The following PHACTR2 variants were observed in gnomAD, a reference collection of about 807,000 sequenced individuals.
PHACTR2 encodes phosphatase and actin regulator 2, also known as chromosome 6 open reading frame 56.
In PHACTR2, 30 loss-of-function variants were observed where a neutral mutation model predicts 76.0. The observed-to-expected ratio is 0.39, with a 90% CI of 0.30 to 0.54. The LOEUF (loss-of-function observed/expected upper bound fraction) is 0.54. PHACTR2 is among the 20% of genes least tolerant of loss of function. The pLI, the probability that PHACTR2 is intolerant of heterozygous loss-of-function variation, is 0.61. For synonymous variants in PHACTR2, 292 were observed against 292.5 expected, an observed-to-expected ratio of 1.00 and a Z score of 0.02; for missense variants, 696 against 781.1, an observed-to-expected ratio of 0.89 and a Z score of 1.30.
chr6:143,613,775 T>C (rs1277004563), intron 1 of PHACTR2, among the ~76,000 whole-genome samples: 1 of 152,126 alleles, frequency 6.6e-6, no homozygotes, highest in African/African-American at 2.4e-5. Context: ...GAATCAGTAA[T>C]CAACATTTTC....
chr6:143,652,750 C>T lies in PHACTR2; in HGVS notation c.13+44428C>T, dbSNP rs775502925. ...TTCACACCCAGGGGCTGAAATAAGG[C>T]GGAATGCCCACCTGGAGATAAGTCT... On this transcript the variant is annotated intron_variant, in intron 1 of 11. Transcript: ENST00000305766. This position sits in a 1 kb window ranked among gnomAD's most constrained non-coding sequence, Gnocchi z 4.5. 6.6e-5 allele frequency among the ~76,000 whole-genome samples: 10 copies of T among 152,314 alleles called. No individual in the cohort carries two copies. The highest frequency in any genetic ancestry group is 2.2e-4 in the African/African-American group (9 of 41,562).
Position 143,830,214 on chromosome 6 carries a change from A to G in PHACTR2, c.*6525A>G, listed in dbSNP as rs1311897688. 6.6e-6 allele frequency: 1 copy of G among 151,924 alleles called. No individual in the cohort carries two copies. Among genetic ancestry groups the G allele is most frequent in the African/African-American group, 2.4e-5 (1 of 41,360 alleles). The allele number at this position is 151,924 out of a possible 1,614,324, so 9.4% of individuals were successfully genotyped here. Reference sequence around the variant, plus strand: ...TTCTTCTGTGGCTTAGAAATGTGCCAGTGTGTTCAAAACATTTACACCAAT... The same window carrying G: ...TTCTTCTGTGGCTTAGAAATGTGCCGGTGTGTTCAAAACATTTACACCAAT... On this transcript the variant is annotated 3_prime_UTR_variant, in exon 13 of 13. Transcript: ENST00000440869.
rs1487424942 is a variant in PHACTR2 at position 143,787,026 on chromosome 6, A to T, written c.1708-1747A>T. The stretch of plus-strand genomic sequence containing the variant: ...ATGGCCCTTAAGTTACCATCTGTAG[A>T]CAATCAATCACCCCCTCCTTATTGC... On this transcript the variant is annotated intron_variant, in intron 10 of 12. Transcript: ENST00000440869. The surrounding 1 kb of genome is among the most constrained non-coding windows in gnomAD (Gnocchi z 4.6). Among the ~76,000 whole-genome samples, 1 of 152,110 alleles carries T rather than the reference A, an allele frequency of 6.6e-6. No individual in the cohort carries two copies. Among genetic ancestry groups the T allele is most frequent in the South Asian group, 2.1e-4 (1 of 4,818 alleles).
At position 143,822,660 on chromosome 6, in the gene PHACTR2, A is replaced by G. The variant is rs6925663; in HGVS notation, c.1923-1014A>G. On this transcript the variant is annotated intron_variant, in intron 12 of 12. Transcript: ENST00000440869. This position sits in a 1 kb window ranked among gnomAD's most constrained non-coding sequence, Gnocchi z 5.5. ...GACTGGCTGACCAGAGCAGATGAGC[A>G]TTCGACTGTAGAAGACAGAGTGAAA... Among the ~76,000 whole-genome samples, 47,567 of 151,926 alleles carry G rather than the reference A, an allele frequency of 0.31. 7,892 individuals are homozygous for G. The highest frequency in any genetic ancestry group is 0.44 in the East Asian group (2,279 of 5,136).
chr6:143,753,073 G>A lies in PHACTR2; in HGVS notation c.296-681G>A, dbSNP rs537189528. The stretch of plus-strand genomic sequence containing the variant: ...TTTTTATGTGTGTTTTTTTTTTCTC[G>A]AATGTTTTCAAATTATTTTTAGGAC... On this transcript the variant is annotated intron_variant, in intron 3 of 12. Coordinates refer to ENST00000440869, the MANE Select transcript of PHACTR2 (RefSeq NM_001100164.2). This position sits in a 1 kb window ranked among gnomAD's most constrained non-coding sequence, Gnocchi z 4.6. 2.7e-4 allele frequency among the ~76,000 whole-genome samples: 40 copies of A among 149,122 alleles called. No homozygotes were observed. Among genetic ancestry groups the A allele is most frequent in the Middle Eastern group, 3.5e-3 (1 of 286 alleles).
At chr6:143,727,447 T>G (rs899436558) in intron 2 of PHACTR2, among the ~76,000 whole-genome samples, 1 of 152,228 alleles carries the variant, frequency 6.6e-6, no homozygotes, top group South Asian at 2.1e-4. Flanking sequence ...TTTGATATAC[T>G]GAGTTCCATT....
In PHACTR2 at chr6:143,795,307, G is replaced by T. The variant is rs774167668; in HGVS notation, c.1845+6397G>T. On this transcript the variant is annotated intron_variant, in intron 11 of 12. Coordinates refer to ENST00000440869, the MANE Select transcript of PHACTR2 (RefSeq NM_001100164.2). The surrounding 1 kb of genome is among the most constrained non-coding windows in gnomAD (Gnocchi z 4.8). ...CACACCCATGTATTCCTACCTACTT[G>T]GAAGGCTGAGGCAGGAGGATCCCTT... Among the ~76,000 whole-genome samples the T allele has an allele frequency of 6.6e-6, 1 of 152,128 alleles. No individual in the cohort carries two copies. The highest frequency in any genetic ancestry group is 1.5e-5 in the Non-Finnish European group (1 of 68,026).
intron 1 of PHACTR2, among the ~76,000 whole-genome samples, chr6:143,632,199 G>C (rs1423524013): frequency 1.3e-5 from 2 of 152,128 alleles, no homozygotes; most frequent in Admixed American, 1.3e-4. Flanking sequence ...CCTATCTCGA[G>C]CACTGCCTCA....
At position 143,700,759 on chromosome 6, in the gene PHACTR2, C is replaced by T. The variant is rs1406578680; in HGVS notation, c.47-11257C>T. 6.6e-6 allele frequency among the ~76,000 whole-genome samples: 1 copy of T among 152,124 alleles called. No homozygotes were observed. Among genetic ancestry groups the T allele is most frequent in the Non-Finnish European group, 1.5e-5 (1 of 68,032 alleles). ...AGATTGTCCATTGGGGATATATCAG[C>T]TTTTTCTTCCTTTTCACAAACACAG... On this transcript the variant is annotated intron_variant, in intron 1 of 12. Coordinates refer to ENST00000440869, the MANE Select transcript of PHACTR2 (RefSeq NM_001100164.2). This position sits in a 1 kb window ranked among gnomAD's most constrained non-coding sequence, Gnocchi z 4.1.
Position 143,772,205 on chromosome 6 carries a change from C to T in PHACTR2, c.1233-53C>T. On this transcript the variant is annotated intron_variant, in intron 6 of 12. Transcript: ENST00000440869. This position sits in a 1 kb window ranked among gnomAD's most constrained non-coding sequence, Gnocchi z 5.4. Reference sequence around the variant, plus strand: ...GCTCTTTTTCTTAGTGTCAGTGCCGCCAAGGGTTGCTCTGAGCTTCACATC... The same window carrying T: ...GCTCTTTTTCTTAGTGTCAGTGCCGTCAAGGGTTGCTCTGAGCTTCACATC... The T allele has an allele frequency of 1.5e-6, 2 of 1,340,150 alleles. No homozygotes were observed. The highest frequency in any genetic ancestry group is 2.3e-5 in the South Asian group (2 of 85,108). The allele number at this position is 1,340,150 out of a possible 1,614,324, so 83.0% of individuals were successfully genotyped here. A position where few individuals can be genotyped will look rare whatever the true frequency, so the allele number is the denominator to read the frequency against.
At position 143,588,898 on chromosome 6, in the gene PHACTR2, A is replaced by G. The variant is rs561666448; in HGVS notation, c.217+51691A>G. 4.6e-5 allele frequency among the ~76,000 whole-genome samples: 7 copies of G among 152,362 alleles called. No homozygotes were observed. In the South Asian group the frequency reaches 1.4e-3, roughly 32 times the overall value. On this transcript the variant is annotated intron_variant, in intron 1 of 11. Transcript: ENST00000367584. ...CTTACTGAAACTGGCTTATGACAAA[A>G]TAAAAAATTAAAAAGACCTATAACT...
Position 143,553,802 on chromosome 6 carries a change from G to A in PHACTR2, c.217+16595G>A, listed in dbSNP as rs1050720034. 2.0e-5 allele frequency among the ~76,000 whole-genome samples: 3 copies of A among 152,184 alleles called. No individual in the cohort carries two copies. The highest frequency in any genetic ancestry group is 7.2e-5 in the African/African-American group (3 of 41,448). The stretch of plus-strand genomic sequence containing the variant: ...AACAATATTAGATGGTGATTACAAA[G>A]CAGAGGAAGGGTATAGGTCGTGCCG... On this transcript the variant is annotated intron_variant, in intron 1 of 11. Coordinates refer to the PHACTR2 transcript ENST00000367584. The surrounding 1 kb of genome is among the most constrained non-coding windows in gnomAD (Gnocchi z 4.2).
At chr6:143,796,159 G>A (rs1775816023) in intron 11 of PHACTR2, among the ~76,000 whole-genome samples, 2 of 152,188 alleles carry the variant, frequency 1.3e-5, no homozygotes, top group Non-Finnish European at 2.9e-5. Context: ...TTGTCCCTAA[G>A]CTATTCTTTG....
chr6:143,638,915 C>T (rs1399001754), intron 1 of PHACTR2, among the ~76,000 whole-genome samples: 2 of 152,196 alleles, frequency 1.3e-5, no homozygotes, highest in Non-Finnish European at 2.9e-5. Context: ...CCTTAATAAT[C>T]AGTAGTTTAC....
At position 143,617,607 on chromosome 6, in the gene PHACTR2, CTT is replaced by C. The variant is rs1776077653; in HGVS notation, c.13+9288_13+9289del. 6.6e-6 allele frequency among the ~76,000 whole-genome samples: 1 copy of C among 152,230 alleles called. No individual in the cohort carries two copies. The highest frequency in any genetic ancestry group is 1.5e-5 in the Non-Finnish European group (1 of 68,042). ...CTGTTAGAGTCCTCTCTCTTTCTCTCTTTTCTTTCCCCTTTCTCTCCCTCCTT... is the reference window on the plus strand; with the variant it reads ...CTGTTAGAGTCCTCTCTCTTTCTCTCTTCTTTCCCCTTTCTCTCCCTCCTT... On this transcript the variant is annotated intron_variant, in intron 1 of 11. Coordinates refer to the PHACTR2 transcript ENST00000305766. The surrounding 1 kb of genome is among the most constrained non-coding windows in gnomAD (Gnocchi z 4.8).
rs148225855 is a variant in PHACTR2, at chr6:143,701,321, A to G, written c.47-10695A>G. 1.3e-3 allele frequency among the ~76,000 whole-genome samples: 197 copies of G among 152,350 alleles called. 1 individual carries two copies. The highest frequency in any genetic ancestry group is 4.4e-3 in the African/African-American group (182 of 41,584). On this transcript the variant is annotated intron_variant, in intron 1 of 12. Coordinates refer to ENST00000440869, the MANE Select transcript of PHACTR2 (RefSeq NM_001100164.2). ...GCCTCTGTTAAAAAAACAAGTTTAAAAATTGATAGTATCAAACTTCTAAAA... is the reference window on the plus strand; with the variant it reads ...GCCTCTGTTAAAAAAACAAGTTTAAGAATTGATAGTATCAAACTTCTAAAA...
At chr6:143,649,220 G>A (rs1258138419) in intron 1 of PHACTR2, among the ~76,000 whole-genome samples, 2 of 152,142 alleles carry the variant, frequency 1.3e-5, no homozygotes, top group Non-Finnish European at 2.9e-5. Context: ...CAAGCACAAG[G>A]GTTAGGGATG....
chr6:143,617,225 C>T lies in PHACTR2; in HGVS notation c.13+8903C>T, dbSNP rs1478469117. Among the ~76,000 whole-genome samples, 1 of 152,178 alleles carries T rather than the reference C, an allele frequency of 6.6e-6. No individual in the cohort carries two copies. The highest frequency in any genetic ancestry group is 6.5e-5 in the Admixed American group (1 of 15,280). On this transcript the variant is annotated intron_variant, in intron 1 of 11. Transcript: ENST00000305766. The surrounding 1 kb of genome is among the most constrained non-coding windows in gnomAD (Gnocchi z 4.8). ...CATATCCCATCTTACAACGTCTTCC[C>T]AACTGGTCTCCAAGCCCTGAATTTT...
chr6:143,772,274 G>A lies in PHACTR2; in HGVS notation c.1249G>A (p.Glu417Lys). ...CTTTAACAGTTTCACAACCAAAGAG[G>A]AGCTGGGGAAGACAGTGCCTCAGCT... ...ENAKCFTTKE[E>K]LGKTVPQLLT... Residue 417 changes from glutamate (E) to lysine (K), a missense_variant, in exon 7 of 13, where the codon GAG (glutamate) becomes AAG (lysine). This residue lies in a region of PHACTR2 where 236 missense variants were observed against 330.2 expected (regional missense o/e 0.71). Coordinates refer to ENST00000440869, the MANE Select transcript of PHACTR2 (RefSeq NM_001100164.2). The surrounding 1 kb of genome is among the most constrained non-coding windows in gnomAD (Gnocchi z 5.4). 1 of 1,613,220 alleles carries A rather than the reference G, an allele frequency of 6.2e-7. No homozygotes were observed. Among genetic ancestry groups the A allele is most frequent in the Non-Finnish European group, 8.5e-7 (1 of 1,179,280 alleles).
Sources: gnomAD v4.1 joint callset for allele counts (sites outside exome capture counted in the v4.1 genomes callset) on GRCh38, gnomAD v4.1.1 for gene constraint, gnomAD v4.1.1 regional missense constraint, Gnocchi (gnomAD v3.1) non-coding constraint, MANE v1.5 for transcripts, NCBI Gene and HGNC (gene_info 2026-07-23, HGNC 2026-07-21) for gene names.